Variants in CMC1 observed in about 807,000 individuals in gnomAD.
CMC1 encodes the protein COX assembly mitochondrial protein homolog.
In CMC1, 14 loss-of-function variants were observed where a neutral mutation model predicts 14.1. That is an observed-to-expected ratio of 0.99 (90% CI 0.66 to 1.55). The LOEUF (loss-of-function observed/expected upper bound fraction) is 1.55, where lower values mean the gene tolerates loss of function less well. CMC1 is among the 40% of genes most tolerant of loss of function. The probability of loss-of-function intolerance (pLI) is 0.00; values close to 1 mark genes in which losing one functional copy is unlikely to be tolerated. For synonymous variants in CMC1, 50 were observed against 38.4 expected (o/e 1.30, Z -1.12); for missense variants, 127 against 123.8 (o/e 1.03, Z -0.12).
intron 1 of CMC1, among the ~76,000 whole-genome samples, chr3:28,262,383 T>C (rs764719970): frequency 2.0e-5 from 3 of 151,992 alleles, no homozygotes; most frequent in African/African-American, 7.3e-5. Flanking sequence ...TGGGAAACTT[T>C]CTGGTCTTTT....
chr3:28,258,973 A>T (rs371563032), intron 1 of CMC1, among the ~76,000 whole-genome samples: 1 of 152,034 alleles, frequency 6.6e-6, no homozygotes, highest in Admixed American at 6.6e-5. Context: ...TGGCTACCCA[A>T]ATTATGCCAG....
rs567300601 is a variant in CMC1 at position 28,324,270 on chromosome 3, T to C, written c.*4641T>C. On this transcript the variant is annotated 3_prime_UTR_variant, in exon 4 of 4. Coordinates refer to ENST00000466830, the MANE Select transcript of CMC1 (RefSeq NM_182523.2). ...TGGATCTCTCATTGTCTGTCCATGA[T>C]TGGAGGATTGCTTTCTCTGATAAAA... The C allele has an allele frequency of 5.7e-5, 92 of 1,609,260 alleles. No homozygotes were observed. The South Asian group carries it at 9.1e-4, about 16-fold the overall frequency.
chr3:28,241,927 T>C, intron 1 of CMC1, 115 bp downstream of exon 1: 8 of 1,044,618 alleles, frequency 7.7e-6, no homozygotes, highest in Non-Finnish European at 9.8e-6. Flanking sequence ...TAGCATTGCT[T>C]CCACCAGCGT....
intron 2 of CMC1, among the ~76,000 whole-genome samples, chr3:28,293,925 A>C (rs536645856): frequency 1.3e-5 from 2 of 152,220 alleles, no homozygotes; most frequent in Admixed American, 1.3e-4. Flanking sequence ...GTAGTTCTGT[A>C]AAATCTTTGT....
At chr3:28,301,927 C>T (rs966432171) in intron 2 of CMC1, among the ~76,000 whole-genome samples, 5 of 151,892 alleles carry the variant, frequency 3.3e-5, no homozygotes, top group South Asian at 2.1e-4. Flanking sequence ...CACACACACA[C>T]TATGGAACTG....
chr3:28,319,714 T>C lies in CMC1; in HGVS notation c.*85T>C. The C allele has an allele frequency of 1.9e-6, 2 of 1,065,060 alleles. No homozygotes were observed. Among genetic ancestry groups the C allele is most frequent in the Non-Finnish European group, 2.7e-6 (2 of 752,524 alleles). The allele number at this position is 1,065,060 out of a possible 1,614,324, so 66.0% of individuals were successfully genotyped here. A position where few individuals can be genotyped will look rare whatever the true frequency, so the allele number is the denominator to read the frequency against. ...TAAATAATGGACTCAAGCATATATG[T>C]TTGCTTTACCTTAATTATGGAAATA... On this transcript the variant is annotated 3_prime_UTR_variant, in exon 4 of 4. Transcript: ENST00000466830.
chr3:28,324,754 T>C lies in CMC1; in HGVS notation c.*5125T>C, dbSNP rs1703319739. On this transcript the variant is annotated 3_prime_UTR_variant, in exon 4 of 4. Coordinates refer to ENST00000466830, the MANE Select transcript of CMC1 (RefSeq NM_182523.2). ...ACTATGTCATAGAGCTTTTAAAAGA[T>C]GAAGAACTACATATTTTTAAAAGTT... 2 of 246,098 alleles carry C rather than the reference T, an allele frequency of 8.1e-6. No homozygotes were observed. Among genetic ancestry groups the C allele is most frequent in the Admixed American group, 5.3e-5 (1 of 18,702 alleles). The allele number at this position is 246,098 out of a possible 1,614,324, so 15.2% of individuals were successfully genotyped here.
intron 1 of CMC1, among the ~76,000 whole-genome samples, chr3:28,244,746 A>C (rs968145417): frequency 2.6e-5 from 4 of 152,116 alleles, no homozygotes; most frequent in Non-Finnish European, 5.9e-5. Context: ...AAAAGAGGAA[A>C]TAGGGATAAT....
chr3:28,315,412 T>C (rs1702846183), intron 2 of CMC1, among the ~76,000 whole-genome samples: 1 of 152,160 alleles, frequency 6.6e-6, no homozygotes, highest in East Asian at 1.9e-4. Context: ...CTACAGCACC[T>C]AGAACTTACT....
intron 2 of CMC1, among the ~76,000 whole-genome samples, chr3:28,292,212 A>G (rs1352972082): frequency 1.3e-5 from 2 of 152,052 alleles, no homozygotes; most frequent in African/African-American, 4.8e-5. Flanking sequence ...GTATAATACT[A>G]TCACCCTTTT....
intron 3 of CMC1, chr3:28,317,590 T>C (rs1175621826): frequency 3.9e-5 from 6 of 152,068 alleles, no homozygotes; most frequent in African/African-American, 1.4e-4. Flanking sequence ...TCATAATTGT[T>C]ATTGCTAGTT....
chr3:28,244,456 C>T (rs1698702318), intron 1 of CMC1, among the ~76,000 whole-genome samples: 2 of 152,100 alleles, frequency 1.3e-5, no homozygotes, highest in Admixed American at 6.5e-5. Context: ...CAGTGGGCAC[C>T]GTGGCTCATG....
chr3:28,302,045 A>G (rs1702078796), intron 2 of CMC1, among the ~76,000 whole-genome samples: 1 of 152,156 alleles, frequency 6.6e-6, no homozygotes, highest in African/African-American at 2.4e-5. Flanking sequence ...AGGCCTTCAC[A>G]CTCTAACCTT....
rs143574681 is a variant in CMC1, at chr3:28,301,278, G to C, written c.110-15055G>C. ...TCTGTTACCTAGGCTGGAGTGCAGTGGCATGATCACAGCTCACTGCAGCCT... is the reference window on the plus strand; with the variant it reads ...TCTGTTACCTAGGCTGGAGTGCAGTCGCATGATCACAGCTCACTGCAGCCT... On this transcript the variant is annotated intron_variant, in intron 2 of 3. Transcript: ENST00000466830. Among the ~76,000 whole-genome samples, 211 of 152,202 alleles carry C rather than the reference G, an allele frequency of 1.4e-3. 1 individual carries two copies. The highest frequency in any genetic ancestry group is 2.6e-3 in the Non-Finnish European group (177 of 68,020).
chr3:28,289,420 G>A (rs532562322), intron 2 of CMC1, among the ~76,000 whole-genome samples: 20 of 151,988 alleles, frequency 1.3e-4, no homozygotes, highest in Non-Finnish European at 2.2e-4. Flanking sequence ...TATAAAAGCC[G>A]AGTATAACAT....
At chr3:28,250,515 A>G (rs1699077552) in intron 1 of CMC1, among the ~76,000 whole-genome samples, 1 of 152,100 alleles carries the variant, frequency 6.6e-6, no homozygotes, top group African/African-American at 2.4e-5. Flanking sequence ...TCTAAATGAG[A>G]TGATGTTTGT....
chr3:28,289,530 G>T (rs551178039), intron 2 of CMC1, among the ~76,000 whole-genome samples: 4 of 150,982 alleles, frequency 2.6e-5, no homozygotes, highest in East Asian at 3.9e-4. Context: ...GCCAGGCAAA[G>T]AATTTTAGAA....
In CMC1 at chr3:28,308,884, G is replaced by A. The variant is rs1000517264; in HGVS notation, c.110-7449G>A. Among the ~76,000 whole-genome samples, 19 of 152,110 alleles carry A rather than the reference G, an allele frequency of 1.2e-4. 1 individual carries two copies. Among genetic ancestry groups the A allele is most frequent in the Admixed American group, 8.5e-4 (13 of 15,280 alleles). ...TGTAGTCCCAGCTACTCGGGAGGCT[G>A]AGGCAGGAGAATCGCTTGAACCTGG... On this transcript the variant is annotated intron_variant, in intron 2 of 3. Transcript: ENST00000466830.
intron 2 of CMC1, among the ~76,000 whole-genome samples, chr3:28,315,616 CTT>C (rs1368762549): frequency 4.6e-5 from 7 of 152,272 alleles, no homozygotes; most frequent in Non-Finnish European, 1.0e-4. Flanking sequence ...AGAGTCAACT[CTT>C]TGTATTTCTC....
Sources: allele counts gnomAD v4.1 joint callset (sites outside exome capture counted in the v4.1 genomes callset), GRCh38; gene constraint gnomAD v4.1.1; transcripts MANE v1.5; gene names NCBI Gene and HGNC (gene_info 2026-07-23, HGNC 2026-07-21).